Variants in ZNF521 observed in about 807,000 individuals in gnomAD.
ZNF521 encodes the protein LYST-interacting protein 3.
A neutral mutation model predicts 105.5 loss-of-function variants in ZNF521; 14 were observed. That is an observed-to-expected ratio of 0.13 (90% CI 0.09 to 0.21). The LOEUF (loss-of-function observed/expected upper bound fraction) is 0.21. ZNF521 is among the 10% of genes least tolerant of loss of function. The probability of loss-of-function intolerance (pLI) is 1.00; values close to 1 mark genes in which losing one functional copy is unlikely to be tolerated. For synonymous variants in ZNF521, 635 were observed against 606.0 expected, an observed-to-expected ratio of 1.05 and a Z score of -0.70; for missense variants, 1,233 against 1,629.7, an observed-to-expected ratio of 0.76 and a Z score of 4.19.
intron 7 of ZNF521, among the ~76,000 whole-genome samples, chr18:25,075,752 A>G (rs568031914): frequency 3.9e-5 from 6 of 152,352 alleles, no homozygotes; most frequent in African/African-American, 1.4e-4. Context: ...GGTTAAGTGG[A>G]AACAGTCTAC....
chr18:25,099,278 T>C (rs892908074), intron 5 of ZNF521, among the ~76,000 whole-genome samples: 3 of 152,174 alleles, frequency 2.0e-5, no homozygotes, highest in Admixed American at 2.0e-4. Flanking sequence ...ACAATATCTA[T>C]TGTTTGTCAG....
At chr18:25,077,069 A>G (rs1026136726) in intron 7 of ZNF521, among the ~76,000 whole-genome samples, 2 of 152,180 alleles carry the variant, frequency 1.3e-5, no homozygotes, top group Non-Finnish European at 2.9e-5. Context: ...TGTGGCCCTC[A>G]CACTTGTGAG....
At chr18:25,095,535 T>C (rs1487562055) in intron 5 of ZNF521, among the ~76,000 whole-genome samples, 1 of 152,190 alleles carries the variant, frequency 6.6e-6, no homozygotes, top group Non-Finnish European at 1.5e-5. Context: ...ATTTTTCTTC[T>C]CCTTTTTGCT....
chr18:25,209,581 G>C (rs2036143345), intron 4 of ZNF521, among the ~76,000 whole-genome samples: 1 of 152,150 alleles, frequency 6.6e-6, no homozygotes, highest in African/African-American at 2.4e-5. Context: ...CAAACGAACT[G>C]CTTCTCAAGC....
intron 5 of ZNF521, among the ~76,000 whole-genome samples, chr18:25,105,101 C>T (rs2034045282): frequency 6.6e-6 from 1 of 152,114 alleles, no homozygotes; most frequent in Non-Finnish European, 1.5e-5. Flanking sequence ...GGCATTCTGG[C>T]TCATGTAGTT....
chr18:25,228,792 G>A (rs753900690), intron 3 of ZNF521, among the ~76,000 whole-genome samples: 5 of 152,174 alleles, frequency 3.3e-5, no homozygotes, highest in Admixed American at 6.5e-5. Context: ...CTTAGCAAAC[G>A]TGCACTGTTA....
rs372887239 is a variant in ZNF521 at position 25,321,068 on chromosome 18, C to G, written c.220+940G>C. ...TATGCTGTGGAAAACAGTCAGAGAA[C>G]CACTTGTCCAGTAAACACATTTCCC... On this transcript the variant is annotated intron_variant, in intron 3 of 7. Transcript: ENST00000361524. Among the ~76,000 whole-genome samples the G allele has an allele frequency of 5.9e-5, 9 of 152,318 alleles. No individual in the cohort carries two copies. The East Asian group carries it at 1.3e-3, about 23-fold the overall frequency.
chr18:25,178,339 G>A (rs1425622121), intron 5 of ZNF521, among the ~76,000 whole-genome samples: 1 of 152,124 alleles, frequency 6.6e-6, no homozygotes, highest in African/African-American at 2.4e-5. Context: ...TTCATGTATC[G>A]CAGGGTCTGT....
intron 3 of ZNF521, among the ~76,000 whole-genome samples, chr18:25,266,972 G>T (rs1172339746): frequency 1.3e-5 from 2 of 152,202 alleles, no homozygotes; most frequent in Non-Finnish European, 2.9e-5. Context: ...GGAGCCAAGT[G>T]GTCTGGCTCA....
intron 2 of ZNF521, among the ~76,000 whole-genome samples, chr18:25,324,255 A>G (rs569220959): frequency 2.0e-5 from 3 of 152,318 alleles, no homozygotes; most frequent in South Asian, 2.1e-4. Flanking sequence ...GTCCTTTACC[A>G]GTATTTTTTC....
chr18:25,338,158 T>C (rs569304863), intron 2 of ZNF521, among the ~76,000 whole-genome samples: 1 of 152,186 alleles, frequency 6.6e-6, no homozygotes, highest in Non-Finnish European at 1.5e-5. Context: ...AGGGGCAACA[T>C]ATAATCGGCC....
At chr18:25,350,635 TC>T (rs1240447966) in intron 2 of ZNF521, among the ~76,000 whole-genome samples, 1 of 150,922 alleles carries the variant, frequency 6.6e-6, no homozygotes, top group Non-Finnish European at 1.5e-5. Flanking sequence ...TCTCTCTCTC[TC>T]TCTTTTTTTT....
intron 7 of ZNF521, among the ~76,000 whole-genome samples, chr18:25,078,956 G>A (rs895411010): frequency 5.3e-5 from 8 of 152,196 alleles, no homozygotes; most frequent in Admixed American, 5.2e-4. Context: ...ACCCTCTGCC[G>A]GCTCTGGGCT....
At chr18:25,083,516 T>C (rs1567954096) in intron 7 of ZNF521, among the ~76,000 whole-genome samples, 1 of 152,142 alleles carries the variant, frequency 6.6e-6, no homozygotes, top group Non-Finnish European at 1.5e-5. Context: ...TCCATAACCA[T>C]CCATCCAAAC....
At chr18:25,345,690 T>C (rs1034657393) in intron 2 of ZNF521, among the ~76,000 whole-genome samples, 1 of 152,216 alleles carries the variant, frequency 6.6e-6, no homozygotes, top group Admixed American at 6.5e-5. Context: ...TTGCCAACTG[T>C]AATTGCTGTT....
rs1327410055 is a variant in ZNF521 at position 25,224,405 on chromosome 18, T to C, written c.3513A>G (p.Thr1171=). 3 of 1,613,770 alleles carry C rather than the reference T, an allele frequency of 1.9e-6. No homozygotes were observed. The highest frequency in any genetic ancestry group is 1.3e-5 in the African/African-American group (1 of 74,830). The part of the protein sequence containing the change: ...HRELVPDSNS[T]QLKTPQVSPM... ...GTGATACTTGGGGCGTTTTCAACTG[T>C]GTGCTGTTGCTGTCTGGCACGAGCT... Residue 1171 remains threonine (T), a synonymous_variant, in exon 4 of 8, where the codon ACA becomes ACG. Transcript: ENST00000361524.
chr18:25,186,970 A>G lies in ZNF521; in HGVS notation c.3658+8190T>C, dbSNP rs139934190. Among the ~76,000 whole-genome samples the G allele has an allele frequency of 8.2e-4, 124 of 152,060 alleles. 1 individual carries two copies. The highest frequency in any genetic ancestry group is 2.5e-3 in the African/African-American group (105 of 41,524). ...ACATAAAGAGGAACAAATGGAGAAG[A>G]AAAGTCATACTTCTGTACGTTCCAT... On this transcript the variant is annotated intron_variant, in intron 5 of 7. Coordinates refer to ENST00000361524, the MANE Select transcript of ZNF521 (RefSeq NM_015461.3).
chr18:25,155,332 A>G (rs1407559823), intron 5 of ZNF521, among the ~76,000 whole-genome samples: 1 of 151,982 alleles, frequency 6.6e-6, no homozygotes, highest in African/African-American at 2.4e-5. Context: ...GTTAGCAAAT[A>G]TTTTTTCCCA....
In ZNF521 at chr18:25,227,099, G is replaced by A; in HGVS notation, c.819C>T (p.Ser273=). ...GGAGGGCCGCTCGGTCCTCATTTGG[G>A]GAGCATTCGGGGTGGCACTCTGCAA... ...KHIAECHPEC[S]PNEDRAALQC... The change falls in exon 4 of 8, where the codon TCC becomes TCT. Residue 273 remains serine, a synonymous_variant. Coordinates refer to ENST00000361524, the MANE Select transcript of ZNF521 (RefSeq NM_015461.3). This position sits in a 1 kb window ranked among gnomAD's most constrained non-coding sequence, Gnocchi z 5.7. 1 of 1,614,080 alleles carries A rather than the reference G, an allele frequency of 6.2e-7. No individual in the cohort carries two copies. Among genetic ancestry groups the A allele is most frequent in the East Asian group, 2.2e-5 (1 of 44,860 alleles).
Sources: gnomAD v4.1 joint callset for allele counts (sites outside exome capture counted in the v4.1 genomes callset) on GRCh38, gnomAD v4.1.1 for gene constraint, Gnocchi (gnomAD v3.1) non-coding constraint, MANE v1.5 for transcripts, NCBI Gene and HGNC (gene_info 2026-07-23, HGNC 2026-07-21) for gene names.